RBFOX1: variants seen among roughly 807,000 people sequenced by gnomAD.
RBFOX1 encodes the protein RNA binding fox-1 homolog 1, also known as RNA binding protein fox-1 homolog 1.
RBFOX1 carries 8 observed loss-of-function variants against 57.7 expected under a neutral mutation model. The ratio of observed to expected loss-of-function variants is 0.14; its 90% confidence interval spans 0.08 to 0.25. RBFOX1 has a LOEUF of 0.25. Ranked by LOEUF, RBFOX1 falls within the 10% of genes least tolerant of loss-of-function variation. The probability of loss-of-function intolerance (pLI) is 1.00; values close to 1 mark genes in which losing one functional copy is unlikely to be tolerated. For missense variants in RBFOX1, 611 were observed against 548.5 expected (o/e 1.11, Z -1.14); for synonymous variants, 326 against 222.4 (o/e 1.47, Z -4.15).
At chr16:7,024,948 G>A (rs1339378880) in intron 3 of RBFOX1, among the ~76,000 whole-genome samples, 1 of 152,092 alleles carries the variant, frequency 6.6e-6, no homozygotes, top group Non-Finnish European at 1.5e-5. Context: ...GAGAGGAACA[G>A]GACATTCACA....
At chr16:7,404,394 C>T (rs993570890) in intron 4 of RBFOX1, among the ~76,000 whole-genome samples, 1 of 152,122 alleles carries the variant, frequency 6.6e-6, no homozygotes, top group African/African-American at 2.4e-5. Flanking sequence ...GGTCACTGAC[C>T]TATCAGGGAC....
intron 3 of RBFOX1, among the ~76,000 whole-genome samples, chr16:6,747,828 G>A (rs1486555360): frequency 1.3e-5 from 2 of 152,016 alleles, no homozygotes; most frequent in South Asian, 2.1e-4. Context: ...GTCCCTACCC[G>A]CCATCCAGAG....
chr16:6,447,148 C>CT (rs1387657383), intron 2 of RBFOX1, among the ~76,000 whole-genome samples: 2 of 152,234 alleles, frequency 1.3e-5, no homozygotes, highest in Non-Finnish European at 2.9e-5. Context: ...GTCTATTGGA[C>CT]TTTTTTTCCT....
chr16:6,018,304 A>C, upstream of RBFOX1, among the ~76,000 whole-genome samples: 1 of 152,158 alleles, frequency 6.6e-6, no homozygotes, highest in East Asian at 1.9e-4. Context: ...ATATTGCTTT[A>C]ATCTCTCTAA....
intron 3 of RBFOX1, among the ~76,000 whole-genome samples, chr16:6,767,932 T>G (rs189732540): frequency 0.013 from 1,187 of 94,620 alleles, 19 homozygotes; most frequent in African/African-American, 0.059. Context: ...ATAATAATAA[T>G]AATAATAATA....
At position 7,388,579 on chromosome 16, in the gene RBFOX1, C is replaced by T. The variant is rs1043328557; in HGVS notation, c.28-129568C>T. Among the ~76,000 whole-genome samples, 10 of 149,642 alleles carry T rather than the reference C, an allele frequency of 6.7e-5. 1 individual carries two copies. The highest frequency in any genetic ancestry group is 5.4e-4 in the Admixed American group (8 of 14,950). ...ATAACAACCCTTACCTCATATGGTT[C>T]TAGGGAGGACAACATGAGATAATAC... On this transcript the variant is annotated intron_variant, in intron 4 of 15. Transcript: ENST00000550418.
At chr16:6,530,293 C>G (rs75878648) in intron 2 of RBFOX1, among the ~76,000 whole-genome samples, 4,329 of 152,164 alleles carry the variant, frequency 0.028, 114 homozygotes, top group African/African-American at 0.076. Flanking sequence ...GCTTGCATTC[C>G]TCTTATTTGG....
chr16:7,030,205 G>C (rs8062423), intron 3 of RBFOX1, among the ~76,000 whole-genome samples: 13,380 of 152,140 alleles, frequency 0.088, 974 homozygotes, highest in East Asian at 0.32. Flanking sequence ...TAAATGGTTG[G>C]ATCATGATAG....
At chr16:5,682,577 T>C (rs2050374187) in intron 3 of RBFOX1, among the ~76,000 whole-genome samples, 1 of 152,198 alleles carries the variant, frequency 6.6e-6, no homozygotes, top group Non-Finnish European at 1.5e-5. Context: ...TAAATCCTTG[T>C]GAACCTGGGA....
At chr16:6,918,559 A>G (rs988425416) in intron 3 of RBFOX1, among the ~76,000 whole-genome samples, 18 of 152,176 alleles carry the variant, frequency 1.2e-4, no homozygotes, top group African/African-American at 4.3e-4. Flanking sequence ...ATCCAGAGGC[A>G]TCATTTAAAG....
At chr16:6,563,816 A>G (rs996169397) in intron 2 of RBFOX1, among the ~76,000 whole-genome samples, 8 of 151,256 alleles carry the variant, frequency 5.3e-5, no homozygotes, top group Admixed American at 5.3e-4. Context: ...ACACAGTGGG[A>G]TCCTGTCTCC....
chr16:6,331,007 G>C (rs1394758974), intron 2 of RBFOX1, among the ~76,000 whole-genome samples: 1 of 152,212 alleles, frequency 6.6e-6, no homozygotes, highest in Non-Finnish European at 1.5e-5. Context: ...ACAGACTTCA[G>C]ATTTTATCCT....
chr16:6,288,424 C>T (rs67861918), intron 1 of RBFOX1, among the ~76,000 whole-genome samples: 24,293 of 152,130 alleles, frequency 0.16, 2,317 homozygotes, highest in Non-Finnish European at 0.2. Flanking sequence ...TGGGATGCTA[C>T]CAAGTCATGG....
At position 5,947,084 on chromosome 16, in the gene RBFOX1, G is replaced by C. The variant is rs1267003357; in HGVS notation, c.351+79749G>C. Among the ~76,000 whole-genome samples, 1 of 152,138 alleles carries C rather than the reference G, an allele frequency of 6.6e-6. No individual in the cohort carries two copies. Among genetic ancestry groups the C allele is most frequent in the Non-Finnish European group, 1.5e-5 (1 of 68,024 alleles). On this transcript the variant is annotated intron_variant, in intron 4 of 19. Coordinates refer to the RBFOX1 transcript ENST00000641259. The surrounding 1 kb of genome is among the most constrained non-coding windows in gnomAD (Gnocchi z 7.2). ...GAAAATAAAATCATCCCATGTGGTT[G>C]TGCATACTGTAGTCCCAGATACTCA... is the stretch of plus-strand genomic sequence containing the variant.
chr16:5,639,841 C>T (rs1439660630), intron 3 of RBFOX1, among the ~76,000 whole-genome samples: 1 of 152,206 alleles, frequency 6.6e-6, no homozygotes, highest in African/African-American at 2.4e-5. Context: ...TTGTGAGTTT[C>T]TTCATCTTGT....
At chr16:7,506,587 C>T (rs947588176) in intron 4 of RBFOX1, among the ~76,000 whole-genome samples, 4 of 151,484 alleles carry the variant, frequency 2.6e-5, no homozygotes, top group African/African-American at 4.9e-5. Flanking sequence ...CCTTCATCAT[C>T]ATCATCATCA....
intron 3 of RBFOX1, among the ~76,000 whole-genome samples, chr16:7,007,711 G>C (rs963201643): frequency 1.3e-5 from 2 of 152,178 alleles, no homozygotes; most frequent in Admixed American, 1.3e-4. Flanking sequence ...CTAATTTCTT[G>C]ACTATACAGG....
intron 4 of RBFOX1, among the ~76,000 whole-genome samples, chr16:7,174,388 T>G (rs1037063973): frequency 6.6e-6 from 1 of 152,212 alleles, no homozygotes; most frequent in Non-Finnish European, 1.5e-5. Context: ...AACACTTGTT[T>G]CCAAGTTCTT....
At chr16:5,657,848 C>G (rs1470107045) in intron 3 of RBFOX1, among the ~76,000 whole-genome samples, 1 of 148,724 alleles carries the variant, frequency 6.7e-6, no homozygotes, top group Non-Finnish European at 1.5e-5. Flanking sequence ...TCTGTTGCTT[C>G]AGACCCCCAG....
Sources: allele counts gnomAD v4.1 joint callset (sites outside exome capture counted in the v4.1 genomes callset), GRCh38; gene constraint gnomAD v4.1.1; non-coding constraint Gnocchi (gnomAD v3.1); transcripts MANE v1.5; gene names NCBI Gene and HGNC (gene_info 2026-07-23, HGNC 2026-07-21).